Variants in MAP4K3 observed in about 807,000 individuals in gnomAD.
MAP4K3 encodes the protein mitogen-activated protein kinase kinase kinase kinase 3.
MAP4K3 carries 94 observed loss-of-function variants against 143.5 expected under a neutral mutation model. That is an observed-to-expected ratio of 0.65 (90% CI 0.55 to 0.78). The LOEUF (loss-of-function observed/expected upper bound fraction) is 0.78, where lower values mean the gene tolerates loss of function less well. Ranked by LOEUF, MAP4K3 falls within the 30% of genes least tolerant of loss-of-function variation. The pLI, the probability that MAP4K3 is intolerant of heterozygous loss-of-function variation, is 0.00. For missense variants in MAP4K3, 1,077 were observed against 1,068.1 expected, an observed-to-expected ratio of 1.01 and a Z score of -0.12; for synonymous variants, 416 against 347.2, an observed-to-expected ratio of 1.20 and a Z score of -2.20.
intron 28 of MAP4K3, among the ~76,000 whole-genome samples, chr2:39,264,206 G>A (rs1680682251): frequency 6.6e-6 from 1 of 152,158 alleles, no homozygotes; most frequent in South Asian, 2.1e-4. Flanking sequence ...GAGGAGCTGA[G>A]AACAAAACAA....
intron 3 of MAP4K3, among the ~76,000 whole-genome samples, chr2:39,355,092 C>T (rs891400164): frequency 8.5e-5 from 13 of 152,100 alleles, no homozygotes; most frequent in East Asian, 7.8e-4. Flanking sequence ...AGGCCAGGTG[C>T]GGAGGCTCAC....
chr2:39,334,718 C>T (rs974759243), intron 6 of MAP4K3, among the ~76,000 whole-genome samples: 5 of 152,160 alleles, frequency 3.3e-5, no homozygotes, highest in Non-Finnish European at 7.3e-5. Flanking sequence ...CCTCCTTTCC[C>T]TCCCTGAGAG....
intron 1 of MAP4K3, among the ~76,000 whole-genome samples, chr2:39,406,002 AG>A (rs1667082874): frequency 6.6e-6 from 1 of 152,146 alleles, no homozygotes; most frequent in African/African-American, 2.4e-5. Context: ...AACTCAGAGA[AG>A]GAATTCAGAA....
chr2:39,416,002 T>TATATATATATATATATATATATATATAA (rs1553318623), intron 1 of MAP4K3, among the ~76,000 whole-genome samples: 4 of 91,144 alleles, frequency 4.4e-5, no homozygotes, highest in African/African-American at 1.9e-4. Context: ...TATATATATA[T>TATATATATATATATATATATATATATAA]ATAAAAATAA....
chr2:39,309,440 T>G, intron 14 of MAP4K3, 21 bp downstream of exon 14: 1 of 1,544,472 alleles, frequency 6.5e-7, no homozygotes, highest in Non-Finnish European at 8.8e-7. Context: ...AGTGCTAACA[T>G]TCTAAGGCTA....
intron 3 of MAP4K3, among the ~76,000 whole-genome samples, chr2:39,352,711 A>G (rs1291910653): frequency 2.0e-5 from 3 of 152,192 alleles, no homozygotes; most frequent in South Asian, 2.1e-4. Flanking sequence ...GCTCAGTTTC[A>G]GTATTTCTTC....
chr2:39,351,952 T>C (rs1231776658), intron 3 of MAP4K3, among the ~76,000 whole-genome samples: 1 of 152,210 alleles, frequency 6.6e-6, no homozygotes, highest in African/African-American at 2.4e-5. Context: ...ATTACAGGCA[T>C]GAGCCACCGC....
intron 1 of MAP4K3, among the ~76,000 whole-genome samples, chr2:39,392,183 CAAAAAAAAAA>C (rs3086434): frequency 1.4e-5 from 1 of 69,052 alleles, no homozygotes; most frequent in Non-Finnish European, 2.6e-5. Context: ...CACTCCTACT[CAAAAAAAAAA>C]AAAAAAAAAA....
intron 1 of MAP4K3, among the ~76,000 whole-genome samples, chr2:39,424,444 C>T (rs545514337): frequency 6.6e-6 from 1 of 152,158 alleles, no homozygotes; most frequent in South Asian, 2.1e-4. Context: ...GTCGTGGGCC[C>T]ACTCAAAACA....
In MAP4K3 at chr2:39,437,120, G is replaced by GGCGGCCGCC. The variant is rs1665517936; in HGVS notation, c.-134_-133insGGCGGCCGC. ...TCACAATCACCCGGCTCCACGCTGC[G>GGCGGCCGCC]GCCGCCGCCGCCGCCGCCGCTCCCC... is the stretch of plus-strand genomic sequence containing the variant. On this transcript the variant is annotated 5_prime_UTR_variant, in exon 1 of 34. Transcript: ENST00000263881. The GGCGGCCGCC allele has an allele frequency of 5.8e-6, 3 of 513,128 alleles. No individual in the cohort carries two copies. Among genetic ancestry groups the GGCGGCCGCC allele is most frequent in the Middle Eastern group, 1.1e-3 (2 of 1,840 alleles). 31.8% of individuals were successfully genotyped at this position (513,128 alleles called of 1,614,324 possible).
intron 1 of MAP4K3, among the ~76,000 whole-genome samples, chr2:39,419,411 C>T (rs1267097156): frequency 6.6e-6 from 1 of 152,194 alleles, no homozygotes; most frequent in East Asian, 1.9e-4. Context: ...TCTATAAAAG[C>T]AGTATTACCT....
intron 15 of MAP4K3, among the ~76,000 whole-genome samples, chr2:39,302,587 A>G (rs547410783): frequency 4.6e-5 from 7 of 152,260 alleles, no homozygotes; most frequent in Middle Eastern, 3.2e-3. Context: ...AAGTTATTCC[A>G]TATCAGAAAA....
intron 12 of MAP4K3, 63 bp from the exon 13 acceptor site, chr2:39,315,451 A>G (rs1165422250): frequency 1.9e-6 from 2 of 1,068,464 alleles, no homozygotes; most frequent in East Asian, 2.5e-5. Context: ...TTGGTCCACA[A>G]AATTACCCAA....
At chr2:39,256,333 T>A (rs953023663) in intron 31 of MAP4K3, among the ~76,000 whole-genome samples, 2 of 152,230 alleles carry the variant, frequency 1.3e-5, no homozygotes, top group African/African-American at 4.8e-5. Context: ...ATAGCAAACA[T>A]CCTTATTTAG....
intron 16 of MAP4K3, chr2:39,294,169 T>C (rs1338725437): frequency 2.6e-5 from 4 of 152,186 alleles, no homozygotes; most frequent in Non-Finnish European, 5.9e-5. Flanking sequence ...CTAAAAGTTA[T>C]CAGGTAGCAC....
chr2:39,264,384 C>G (rs1479642571), intron 28 of MAP4K3, among the ~76,000 whole-genome samples: 1 of 152,062 alleles, frequency 6.6e-6, no homozygotes, highest in Admixed American at 6.5e-5. Flanking sequence ...TCTGTTTAGC[C>G]CTAGTGAATC....
chr2:39,350,413 G>A (rs1421489515), intron 3 of MAP4K3, among the ~76,000 whole-genome samples: 2 of 152,184 alleles, frequency 1.3e-5, no homozygotes, highest in Non-Finnish European at 2.9e-5. Flanking sequence ...AGAGAACTCT[G>A]TACTATTTGC....
intron 2 of MAP4K3, 148 bp from the exon 3 acceptor site, chr2:39,356,487 A>C: frequency 1.8e-6 from 1 of 568,662 alleles, no homozygotes; most frequent in Non-Finnish European, 3.1e-6. Context: ...AGTTAATGGT[A>C]TTACTTTTAA....
chr2:39,347,781 G>A (rs1665338830), intron 3 of MAP4K3, among the ~76,000 whole-genome samples: 1 of 151,894 alleles, frequency 6.6e-6, no homozygotes, highest in African/African-American at 2.4e-5. Context: ...GGATTGATCA[G>A]GCATATATTC....
Sources: gnomAD v4.1 joint callset for allele counts (sites outside exome capture counted in the v4.1 genomes callset) on GRCh38, gnomAD v4.1.1 for gene constraint, MANE v1.5 for transcripts, NCBI Gene and HGNC (gene_info 2026-07-23, HGNC 2026-07-21) for gene names.